Variants in CHLSN observed in about 807,000 individuals in gnomAD.
CHLSN encodes cholesin.
chr7:1,010,404 C>T, the CHLSN span, among the ~76,000 whole-genome samples: 44 of 152,346 alleles, frequency 2.9e-4, no homozygotes, highest in African/African-American at 1.0e-3. Flanking sequence ...TCCCCACCCC[C>T]GTGGTCCACC....
the CHLSN span, among the ~76,000 whole-genome samples, chr7:1,049,528 A>G: frequency 0.021 from 3,233 of 152,328 alleles, 46 homozygotes; most frequent in Non-Finnish European, 0.029. Flanking sequence ...TGCCCGCTCC[A>G]GAGCCCAGGC....
the CHLSN span, among the ~76,000 whole-genome samples, chr7:1,052,358 G>A: frequency 6.6e-6 from 1 of 152,254 alleles, no homozygotes; most frequent in Non-Finnish European, 1.5e-5. The surrounding 1 kb of genome is among the most constrained non-coding windows in gnomAD (Gnocchi z 4.2). Flanking sequence ...CCTTGGGGCT[G>A]CTTGTGCTGG....
At chr7:1,067,224 A>G in the CHLSN span, among the ~76,000 whole-genome samples, 1 of 143,652 alleles carries the variant, frequency 7.0e-6, no homozygotes, top group South Asian at 2.3e-4. Flanking sequence ...AGTGCACCCC[A>G]GAAGTGAGGG....
the CHLSN span, chr7:1,091,452 C>T: frequency 3.3e-5 from 15 of 451,068 alleles, no homozygotes; most frequent in Non-Finnish European, 5.5e-5. Flanking sequence ...GCACGGTGGC[C>T]GACACCCGCA....
At chr7:1,071,967 G>A in the CHLSN span, among the ~76,000 whole-genome samples, 1 of 152,224 alleles carries the variant, frequency 6.6e-6, no homozygotes, top group South Asian at 2.1e-4. Context: ...TGGGGAGGCT[G>A]CAGGACAGAG....
chr7:1,102,989 CTG>C, the CHLSN span, among the ~76,000 whole-genome samples: 7 of 152,224 alleles, frequency 4.6e-5, no homozygotes, highest in African/African-American at 7.2e-5. Context: ...GAGAGACACT[CTG>C]TTGCCGTCTA....
At chr7:1,001,941 A>G in the CHLSN span, among the ~76,000 whole-genome samples, 1 of 25,858 alleles carries the variant, frequency 3.9e-5, no homozygotes, top group African/African-American at 1.5e-4. Flanking sequence ...GCGGGTGGGG[A>G]GTCCTGTGGG....
the CHLSN span, among the ~76,000 whole-genome samples, chr7:1,049,352 C>G: frequency 6.6e-6 from 1 of 152,234 alleles, no homozygotes; most frequent in African/African-American, 2.4e-5. Flanking sequence ...AGTGCCGGCA[C>G]CCTCTTGTGC....
At chr7:1,022,804 C>T in the CHLSN span, 9 of 301,558 alleles carry the variant, frequency 3.0e-5, no homozygotes, top group East Asian at 5.2e-4. Context: ...TGGAACATCC[C>T]ATGCTCTCCC....
At chr7:1,122,240 C>T in the CHLSN span, among the ~76,000 whole-genome samples, 4 of 152,204 alleles carry the variant, frequency 2.6e-5, no homozygotes, top group Non-Finnish European at 4.4e-5. Context: ...CTCGTGGGGA[C>T]GGAAAGTGTT....
chr7:1,021,050 GCCTCCAGGCTGGGGACCTTCAGGCAGGCA>G, the CHLSN span, among the ~76,000 whole-genome samples: 1 of 151,334 alleles, frequency 6.6e-6, no homozygotes, highest in Non-Finnish European at 1.5e-5. Flanking sequence ...TCCCAGCAGG[GCCTCCAGGCTGGGGACCTTCAGGCAGGCA>G]CCTCCAGGCT....
At chr7:1,129,382 CCCACCG>C in the CHLSN span, among the ~76,000 whole-genome samples, 1 of 45,052 alleles carries the variant, frequency 2.2e-5, no homozygotes, top group Non-Finnish European at 4.3e-5. Flanking sequence ...CTCGGCTCAT[CCCACCG>C]TCACCCGGGC....
chr7:984,673 G>C, the CHLSN span: 1 of 1,462,064 alleles, frequency 6.8e-7, no homozygotes, highest in Non-Finnish European at 9.1e-7. Flanking sequence ...TCCCAGGGTG[G>C]CCTGGGGAAG....
chr7:983,361 G>T, the CHLSN span: 1 of 1,532,696 alleles, frequency 6.5e-7, no homozygotes, highest in Non-Finnish European at 8.8e-7. Context: ...TGCGTCTGTC[G>T]CAACAGGACC....
the CHLSN span, chr7:1,091,936 T>C: frequency 6.2e-7 from 1 of 1,613,914 alleles, no homozygotes; most frequent in African/African-American, 1.3e-5. Flanking sequence ...CATCTTCCTC[T>C]TCCCCATCGG....
chr7:1,028,524 C>G, the CHLSN span: 1 of 985,008 alleles, frequency 1.0e-6, no homozygotes, highest in East Asian at 1.1e-4. Context: ...GCTGCAGCCC[C>G]CACTGCTCCT....
At chr7:1,023,202 C>G in the CHLSN span, among the ~76,000 whole-genome samples, 2 of 152,196 alleles carry the variant, frequency 1.3e-5, no homozygotes, top group South Asian at 2.1e-4. This position sits in a 1 kb window ranked among gnomAD's most constrained non-coding sequence, Gnocchi z 5.0. Context: ...TGTGGGCATC[C>G]GAGTATTTAC....
At chr7:1,012,293 G>A in the CHLSN span, among the ~76,000 whole-genome samples, 1 of 152,266 alleles carries the variant, frequency 6.6e-6, no homozygotes, top group Non-Finnish European at 1.5e-5. Flanking sequence ...CCTGTGGTAG[G>A]GTCCCAGGTT....
chr7:1,065,140 G>A, the CHLSN span, among the ~76,000 whole-genome samples: 1 of 152,180 alleles, frequency 6.6e-6, no homozygotes, highest in Non-Finnish European at 1.5e-5. Context: ...CACCCCTTGG[G>A]GCCCCTCTCC....
Sources: gnomAD v4.1 joint callset for allele counts (sites outside exome capture counted in the v4.1 genomes callset) on GRCh38, gnomAD v4.1.1 for gene constraint, Gnocchi (gnomAD v3.1) non-coding constraint, MANE v1.5 for transcripts, NCBI Gene and HGNC (gene_info 2026-07-23, HGNC 2026-07-21) for gene names.